Variants in SLC4A4 observed in about 807,000 individuals in gnomAD.
SLC4A4 encodes the protein solute carrier family 4 member 4, also known as electrogenic sodium bicarbonate cotransporter 1.
In SLC4A4, 27 loss-of-function variants were observed where a neutral mutation model predicts 111.5. The ratio of observed to expected loss-of-function variants is 0.24; its 90% CI spans 0.18 to 0.33. The LOEUF is 0.33. Ranked by LOEUF, SLC4A4 falls within the 10% of genes least tolerant of loss-of-function variation. SLC4A4 has a pLI of 1.00. For missense variants in SLC4A4, 909 were observed against 1,315.5 expected (o/e 0.69, Z 4.78); for synonymous variants, 443 against 463.4 (o/e 0.96, Z 0.57).
chr4:71,466,960 A>AGAGAGAGAGAGAGAGG (rs1434279959), intron 13 of SLC4A4, among the ~76,000 whole-genome samples: 6 of 110,754 alleles, frequency 5.4e-5, no homozygotes, highest in African/African-American at 2.8e-4. Flanking sequence ...AGAGAGAGAG[A>AGAGAGAGAGAGAGAGG]GAGAGGGAGA....
chr4:71,131,821 C>A (rs1243130761), intron 2 of SLC4A4, among the ~76,000 whole-genome samples: 1 of 152,122 alleles, frequency 6.6e-6, no homozygotes, highest in African/African-American at 2.4e-5. Context: ...GAGTCCCGAG[C>A]CCATGAGATC....
chr4:71,302,172 G>A (rs556560948), intron 3 of SLC4A4, among the ~76,000 whole-genome samples: 6 of 152,144 alleles, frequency 3.9e-5, no homozygotes, highest in South Asian at 2.1e-4. Context: ...TTCAGTCTTA[G>A]CAAAGGAAGT....
At chr4:71,383,683 G>GC (rs1718389775) in intron 6 of SLC4A4, among the ~76,000 whole-genome samples, 1 of 152,188 alleles carries the variant, frequency 6.6e-6, no homozygotes. Flanking sequence ...GAACAGCTGA[G>GC]CAAGACACTT....
chr4:71,230,945 G>A (rs556016469), intron 1 of SLC4A4, among the ~76,000 whole-genome samples: 21 of 152,324 alleles, frequency 1.4e-4, no homozygotes, highest in Non-Finnish European at 2.6e-4. Flanking sequence ...GTGGCTTCAC[G>A]GTAAAGCAGC....
intron 20 of SLC4A4, among the ~76,000 whole-genome samples, chr4:71,552,582 A>G (rs1419099227): frequency 6.6e-6 from 1 of 151,894 alleles, no homozygotes; most frequent in African/African-American, 2.4e-5. Context: ...AATTTGAAAA[A>G]TTTGGTGACA....
At chr4:71,521,334 C>G (rs957324631) in intron 16 of SLC4A4, among the ~76,000 whole-genome samples, 2 of 152,048 alleles carry the variant, frequency 1.3e-5, no homozygotes, top group African/African-American at 4.8e-5. Flanking sequence ...TGGGATCAAG[C>G]GATCCTCTCT....
chr4:71,224,131 C>T (rs188584637), intron 1 of SLC4A4, among the ~76,000 whole-genome samples: 5 of 150,238 alleles, frequency 3.3e-5, no homozygotes, highest in African/African-American at 1.3e-4. Flanking sequence ...CATCCATAGC[C>T]GTTCCCTAAG....
intron 7 of SLC4A4, chr4:71,437,808 C>T (rs1185977183): frequency 7.6e-6 from 2 of 262,422 alleles, no homozygotes; most frequent in South Asian, 4.5e-5. Flanking sequence ...TCCAGCCGCC[C>T]CTGAGTGGGA....
intron 16 of SLC4A4, among the ~76,000 whole-genome samples, chr4:71,523,315 A>G (rs1392154977): frequency 3.3e-5 from 5 of 152,206 alleles, no homozygotes; most frequent in African/African-American, 9.6e-5. Flanking sequence ...AATAATTTTT[A>G]AAGTCAAATT....
intron 6 of SLC4A4, among the ~76,000 whole-genome samples, chr4:71,369,850 G>T (rs1731694918): frequency 6.6e-6 from 1 of 151,902 alleles, no homozygotes; most frequent in African/African-American, 2.4e-5. Flanking sequence ...GTCCTTGGGG[G>T]GTTTCCTTTC....
Position 71,536,472 on chromosome 4 carries a change from ATATATATATATATATG to A in SLC4A4, c.2442+2092_2442+2107del, listed in dbSNP as rs1345502834. ...TACATATATACATATATACATATAT[ATATATATATATATATG>A]TATATATTTATTTATTTATTTATTT... On this transcript the variant is annotated intron_variant, in intron 18 of 25. Transcript: ENST00000264485. 5.1e-3 allele frequency among the ~76,000 whole-genome samples: 442 copies of A among 87,190 alleles called. 10 individuals carry two copies. The highest frequency in any genetic ancestry group is 7.6e-3 in the Non-Finnish European group (333 of 43,712). The allele number at this position is 87,190 out of a possible 152,430, so 57.2% of individuals were successfully genotyped here. A position where few individuals can be genotyped will look rare whatever the true frequency, so the allele number is the denominator to read the frequency against.
intron 7 of SLC4A4, chr4:71,437,026 A>G (rs1038775344): frequency 5.4e-6 from 2 of 372,516 alleles, no homozygotes; most frequent in Non-Finnish European, 1.0e-5. Flanking sequence ...AGATAGGCCA[A>G]TGGTCCAATT....
chr4:71,382,905 GT>G (rs1357165040), intron 6 of SLC4A4, among the ~76,000 whole-genome samples: 1 of 151,964 alleles, frequency 6.6e-6, no homozygotes, highest in African/African-American at 2.4e-5. Flanking sequence ...TGAAGCCAAA[GT>G]TTTGATACTG....
intron 3 of SLC4A4, among the ~76,000 whole-genome samples, chr4:71,309,359 C>T (rs763020518): frequency 3.3e-5 from 5 of 152,184 alleles, no homozygotes; most frequent in Admixed American, 6.5e-5. Flanking sequence ...GTTCTCCCAG[C>T]GTGGTACTTG....
intron 6 of SLC4A4, among the ~76,000 whole-genome samples, chr4:71,377,056 G>T (rs149217482): frequency 2.0e-5 from 3 of 152,064 alleles, no homozygotes; most frequent in African/African-American, 7.2e-5. Flanking sequence ...ATGTTAACAC[G>T]CAATGGTTTA....
intron 23 of SLC4A4, among the ~76,000 whole-genome samples, chr4:71,561,996 T>G (rs1232878430): frequency 6.6e-6 from 1 of 151,822 alleles, no homozygotes; most frequent in Non-Finnish European, 1.5e-5. Context: ...CTTTGGAGAA[T>G]GTTTTAAATG....
intron 6 of SLC4A4, among the ~76,000 whole-genome samples, chr4:71,369,398 T>G: frequency 6.6e-6 from 1 of 152,136 alleles, no homozygotes; most frequent in Non-Finnish European, 1.5e-5. Flanking sequence ...ATTGTGAGAC[T>G]AAGGGGTGGG....
At position 71,453,610 on chromosome 4, in the gene SLC4A4, A is replaced by G; in HGVS notation, c.1438A>G (p.Thr480Ala). 1.2e-6 allele frequency: 2 copies of G among 1,613,946 alleles called. No individual in the cohort carries two copies. The highest frequency in any genetic ancestry group is 1.7e-6 in the Non-Finnish European group (2 of 1,179,886). ...GGCAATTCTCTTCATTTATCTGGCA[A>G]CTGTAACTAATGCTATCACTTTTGG... Reference protein sequence around the residue: ...LSAILFIYLATVTNAITFGGL... With the variant: ...LSAILFIYLAAVTNAITFGGL... The change falls in exon 12 of 26, where the codon ACT (threonine) becomes GCT (alanine). Residue 480 changes from threonine to alanine, a missense_variant. By Grantham distance (58) the Thr-to-Ala change is moderately conservative. Coordinates refer to ENST00000264485, the MANE Select transcript of SLC4A4 (RefSeq NM_001098484.3).
rs772620419 is a variant in SLC4A4, at chr4:71,567,917, ACATTTGTTGTTAATGT to A, written c.*175_*190del. 4.8e-6 allele frequency: 6 copies of A among 1,257,298 alleles called. No individual in the cohort carries two copies. Among genetic ancestry groups the A allele is most frequent in the African/African-American group, 1.5e-5 (1 of 66,080 alleles). The allele number at this position is 1,257,298 out of a possible 1,614,324, so 77.9% of individuals were successfully genotyped here. On this transcript the variant is annotated 3_prime_UTR_variant, in exon 26 of 26. Transcript: ENST00000264485. ...AACCTGTTTGTCTTTCTTAAAACTG[ACATTTGTTGTTAATGT>A]CATTTGTTTTTGTTTGGCTGTTTGT...
Sources: gnomAD v4.1 joint callset for allele counts (sites outside exome capture counted in the v4.1 genomes callset) on GRCh38, gnomAD v4.1.1 for gene constraint, MANE v1.5 for transcripts, NCBI Gene and HGNC (gene_info 2026-07-23, HGNC 2026-07-21) for gene names.